The following RGS6 variants were observed in gnomAD, a reference collection of about 807,000 sequenced individuals.
The protein encoded by RGS6 is regulator of G-protein signaling 6.
In RGS6, 30 loss-of-function variants were observed where a neutral mutation model predicts 78.5. That is an observed-to-expected ratio of 0.38 (90% CI 0.29 to 0.52). The LOEUF is 0.52. RGS6 is among the 20% of genes least tolerant of loss of function. The pLI is 0.85. For missense variants in RGS6, 495 were observed against 609.7 expected, an observed-to-expected ratio of 0.81 and a Z score of 1.98; for synonymous variants, 206 against 206.0, an observed-to-expected ratio of 1.00 and a Z score of 0.00.
intron 3 of RGS6, among the ~76,000 whole-genome samples, chr14:72,400,832 G>A (rs2092305549): frequency 6.6e-6 from 1 of 152,154 alleles, no homozygotes; most frequent in Non-Finnish European, 1.5e-5. Flanking sequence ...CCCTATCCAG[G>A]TTTCCCTGGT....
the RGS6 span, among the ~76,000 whole-genome samples, chr14:72,606,438 T>C: frequency 6.6e-6 from 1 of 152,094 alleles, no homozygotes; most frequent in African/African-American, 2.4e-5. Context: ...GGGGAAACCA[T>C]ATTATATCTC....
chr14:72,490,949 C>T (rs962253840), intron 12 of RGS6, among the ~76,000 whole-genome samples: 2 of 152,184 alleles, frequency 1.3e-5, no homozygotes, highest in African/African-American at 4.8e-5. Flanking sequence ...CTCAGGAGGC[C>T]TGGGCTGGGA....
intron 2 of RGS6, among the ~76,000 whole-genome samples, chr14:72,151,669 G>T (rs886344640): frequency 6.6e-6 from 1 of 152,116 alleles, no homozygotes; most frequent in African/African-American, 2.4e-5. Context: ...GAGTGGGTCT[G>T]TTCTGGAGTG....
intron 2 of RGS6, among the ~76,000 whole-genome samples, chr14:72,350,681 C>T (rs2078946383): frequency 6.6e-6 from 1 of 152,196 alleles, no homozygotes; most frequent in South Asian, 2.1e-4. Context: ...CTACACTAGA[C>T]ATGTAGCATG....
chr14:72,228,586 C>T (rs540146638), intron 2 of RGS6, among the ~76,000 whole-genome samples: 7 of 152,026 alleles, frequency 4.6e-5, no homozygotes, highest in South Asian at 2.1e-4. Context: ...ACTAGGAAGC[C>T]GCTGCAACCA....
chr14:72,259,630 G>A (rs539488045), intron 2 of RGS6, among the ~76,000 whole-genome samples: 59 of 152,048 alleles, frequency 3.9e-4, no homozygotes, highest in African/African-American at 1.2e-3. Flanking sequence ...AATGAGGGCC[G>A]GGCGCGGTGG....
intron 1 of RGS6, among the ~76,000 whole-genome samples, chr14:71,943,618 T>A (rs1365425935): frequency 6.6e-6 from 1 of 152,130 alleles, no homozygotes; most frequent in East Asian, 1.9e-4. Context: ...GCAAGATCTC[T>A]GTGGTAGCCA....
chr14:72,470,295 C>G (rs1433289953), intron 8 of RGS6, among the ~76,000 whole-genome samples: 1 of 152,218 alleles, frequency 6.6e-6, no homozygotes, highest in Non-Finnish European at 1.5e-5. Flanking sequence ...ATGTGTGTTT[C>G]AGCAGACAAG....
the RGS6 span, among the ~76,000 whole-genome samples, chr14:72,609,231 G>A: frequency 2.6e-5 from 4 of 152,172 alleles, no homozygotes; most frequent in East Asian, 1.9e-4. Flanking sequence ...GAAGAAGGCT[G>A]CTCGATCCCC....
intron 17 of RGS6, among the ~76,000 whole-genome samples, chr14:72,548,342 T>TGTGTGTGTGTGTGTGTGTGTGTGCGCGC (rs796698263): frequency 1.4e-4 from 19 of 134,826 alleles, no homozygotes; most frequent in African/African-American, 5.7e-4. Flanking sequence ...TGTGTGTGTG[T>TGTGTGTGTGTGTGTGTGTGTGTGCGCGC]GCGCGCGTGT....
intron 3 of RGS6, among the ~76,000 whole-genome samples, chr14:72,357,871 T>A (rs1301534164): frequency 6.6e-6 from 1 of 152,152 alleles, no homozygotes; most frequent in Non-Finnish European, 1.5e-5. Context: ...CCAGGGCATG[T>A]CACAGACCTT....
At chr14:71,880,693 T>A in the RGS6 span, among the ~76,000 whole-genome samples, 2 of 152,202 alleles carry the variant, frequency 1.3e-5, no homozygotes, top group Non-Finnish European at 2.9e-5. Context: ...TTTCAGAGGA[T>A]GTATGGAAAT....
downstream of RGS6, among the ~76,000 whole-genome samples, chr14:72,569,111 G>GGTGT (rs35508602): frequency 6.2e-4 from 86 of 137,620 alleles, 1 homozygote; most frequent in East Asian, 2.2e-3. Flanking sequence ...GATTCTCTGG[G>GGTGT]GTGTGTGTGT....
rs115131479 is a variant in RGS6, at chr14:72,207,239, G to C, written c.85-144856G>C. On this transcript the variant is annotated intron_variant, in intron 2 of 17. Transcript: ENST00000553525. Reference sequence around the variant, plus strand: ...TTCCATTTAGACCATTTTGTAATCTGCTGCTTTTATTTCACAATATGGGAT... The same window carrying C: ...TTCCATTTAGACCATTTTGTAATCTCCTGCTTTTATTTCACAATATGGGAT... Among the ~76,000 whole-genome samples the C allele has an allele frequency of 7.4e-3, 1,122 of 152,114 alleles. 12 individuals carry two copies. The highest frequency in any genetic ancestry group is 0.026 in the African/African-American group (1,067 of 41,502).
chr14:72,549,858 T>A (rs1398928355), intron 17 of RGS6, among the ~76,000 whole-genome samples: 3 of 151,920 alleles, frequency 2.0e-5, no homozygotes, highest in Admixed American at 2.0e-4. Flanking sequence ...CAAAACTCCA[T>A]CCCCATCCCA....
At chr14:72,459,568 G>C in intron 5 of RGS6, 64 bp from the exon 6 acceptor site, 1 of 1,510,954 alleles carries the variant, frequency 6.6e-7, no homozygotes, top group Non-Finnish European at 9.2e-7. Context: ...GCTCCTCCCT[G>C]GGTGTGGGAG....
At chr14:71,944,958 T>G (rs1220998485) in intron 1 of RGS6, among the ~76,000 whole-genome samples, 4 of 152,202 alleles carry the variant, frequency 2.6e-5, no homozygotes, top group Non-Finnish European at 5.9e-5. Context: ...AGTGGTGTTT[T>G]GTACTTAAAT....
intron 14 of RGS6, among the ~76,000 whole-genome samples, chr14:72,517,833 A>G (rs139949107): frequency 1.4e-3 from 206 of 152,310 alleles, no homozygotes; most frequent in African/African-American, 4.6e-3. Context: ...GATTTGACAA[A>G]GGGTCTCACA....
At chr14:72,437,578 G>T (rs2094988973) in intron 3 of RGS6, among the ~76,000 whole-genome samples, 1 of 152,124 alleles carries the variant, frequency 6.6e-6, no homozygotes, top group South Asian at 2.1e-4. Context: ...AGAAAACAGG[G>T]CTAAAAGGAA....
Sources: gnomAD v4.1 joint callset for allele counts (sites outside exome capture counted in the v4.1 genomes callset) on GRCh38, gnomAD v4.1.1 for gene constraint, MANE v1.5 for transcripts, NCBI Gene and HGNC (gene_info 2026-07-23, HGNC 2026-07-21) for gene names.